Variants in MTX3 observed in about 807,000 individuals in gnomAD.
MTX3 encodes the protein metaxin-3.
In MTX3, 27 loss-of-function variants were observed where a neutral mutation model predicts 42.5. That is an observed-to-expected ratio of 0.64 (90% CI 0.47 to 0.88). The LOEUF (loss-of-function observed/expected upper bound fraction) is 0.88. MTX3 is among the 40% of genes least tolerant of loss of function. The pLI is 0.00. For synonymous variants in MTX3, 144 were observed against 132.9 expected (o/e 1.08, Z -0.57); for missense variants, 378 against 367.0 (o/e 1.03, Z -0.25).
At position 79,985,491 on chromosome 5, in the gene MTX3, T is replaced by A. The variant is rs1326695951; in HGVS notation, c.828+80A>T. On this transcript the variant is annotated intron_variant, in intron 8 of 8. Transcript: ENST00000512528. Reference sequence around the variant, plus strand: ...ATAAAAAAAACTAAAAGGGTACAGTTAATGTGTGACCCAAATGACAATATT... The same window carrying A: ...ATAAAAAAAACTAAAAGGGTACAGTAAATGTGTGACCCAAATGACAATATT... 57 of 924,276 alleles carry A rather than the reference T, an allele frequency of 6.2e-5. No homozygotes were observed. In the East Asian group the frequency reaches 1.4e-3, roughly 23 times the overall value. 57.3% of individuals were successfully genotyped at this position (924,276 alleles called of 1,614,324 possible).
rs1415701268 is a variant in MTX3, at chr5:79,977,394, T to C, written c.*6290A>G. 6.6e-6 allele frequency: 1 copy of C among 152,184 alleles called. No individual in the cohort carries two copies. The highest frequency in any genetic ancestry group is 1.5e-5 in the Non-Finnish European group (1 of 68,028). 9.4% of individuals were successfully genotyped at this position (152,184 alleles called of 1,614,324 possible). On this transcript the variant is annotated 3_prime_UTR_variant, in exon 9 of 9. Transcript: ENST00000512528. ...AAGGATCTGGGATATGTAAACGAAATGATTAAAAGACATTTCTCTGAATTT... is the reference window on the plus strand; with the variant it reads ...AAGGATCTGGGATATGTAAACGAAACGATTAAAAGACATTTCTCTGAATTT...
In MTX3 at chr5:79,977,380, A is replaced by C. The variant is rs1831273641; in HGVS notation, c.*6304T>G. 6.6e-6 allele frequency: 1 copy of C among 152,182 alleles called. No homozygotes were observed. Among genetic ancestry groups the C allele is most frequent in the African/African-American group, 2.4e-5 (1 of 41,422 alleles). The allele number at this position is 152,182 out of a possible 1,614,324, so 9.4% of individuals were successfully genotyped here. A position where few individuals can be genotyped will look rare whatever the true frequency, so the allele number is the denominator to read the frequency against. On this transcript the variant is annotated 3_prime_UTR_variant, in exon 9 of 9. Transcript: ENST00000512528. ...TTTTCATGATTTCCAAGGATCTGGG[A>C]TATGTAAACGAAATGATTAAAAGAC...
chr5:79,985,631 T>C lies in MTX3; in HGVS notation c.768A>G (p.Val256=). 1 of 1,613,362 alleles carries C rather than the reference T, an allele frequency of 6.2e-7. No individual in the cohort carries two copies. Among genetic ancestry groups the C allele is most frequent in the Non-Finnish European group, 8.5e-7 (1 of 1,179,464 alleles). Residue 256 remains valine (V), a synonymous_variant, in exon 8 of 9, where the codon GTA becomes GTG. Coordinates refer to ENST00000512528, the MANE Select transcript of MTX3 (RefSeq NM_001363818.2). ...GTGTGAGTTTCTGCAGATTTGCATC[T>C]ACCGTTTCTTGTCCAGCTGGAGAGA... ...GGISPAGQET[V]DANLQKLTQL... is the part of the protein sequence containing the mutation.
Position 79,979,020 on chromosome 5 carries a change from A to C in MTX3, c.*4664T>G, listed in dbSNP as rs541629384. ...CTGATACCTTTGTTCAAGAATGTTAATTCTTATCAGAAATCCATGGCACAC... is the reference window on the plus strand; with the variant it reads ...CTGATACCTTTGTTCAAGAATGTTACTTCTTATCAGAAATCCATGGCACAC... On this transcript the variant is annotated 3_prime_UTR_variant, in exon 9 of 9. Transcript: ENST00000512528. 121 of 152,604 alleles carry C rather than the reference A, an allele frequency of 7.9e-4. No homozygotes were observed. Among genetic ancestry groups the C allele is most frequent in the Non-Finnish European group, 1.0e-3 (71 of 68,038 alleles). 9.5% of individuals were successfully genotyped at this position (152,604 alleles called of 1,614,324 possible).
In MTX3 at chr5:79,979,982, T is replaced by G. The variant is rs1219772248; in HGVS notation, c.*3702A>C. On this transcript the variant is annotated 3_prime_UTR_variant, in exon 9 of 9. Transcript: ENST00000512528. ...GAATTTACTTTAAAACCACTTTTAT[T>G]TTGAAATACTTAAGACTCACAAGAA... The G allele has an allele frequency of 6.6e-6, 1 of 152,212 alleles. No individual in the cohort carries two copies. The highest frequency in any genetic ancestry group is 1.5e-5 in the Non-Finnish European group (1 of 68,046). The allele number at this position is 152,212 out of a possible 1,614,324, so 9.4% of individuals were successfully genotyped here. A position where few individuals can be genotyped will look rare whatever the true frequency, so the allele number is the denominator to read the frequency against.
Position 79,981,758 on chromosome 5 carries a change from A to T in MTX3, c.*1926T>A, listed in dbSNP as rs1246959052. 1.3e-5 allele frequency: 2 copies of T among 151,822 alleles called. No individual in the cohort carries two copies. The highest frequency in any genetic ancestry group is 2.9e-5 in the Non-Finnish European group (2 of 67,926). 9.4% of individuals were successfully genotyped at this position (151,822 alleles called of 1,614,324 possible). On this transcript the variant is annotated 3_prime_UTR_variant, in exon 9 of 9. Coordinates refer to ENST00000512528, the MANE Select transcript of MTX3 (RefSeq NM_001363818.2). ...GGTTCTATAAATTTTTAATTTTTTT[A>T]ATTTAAATTTTTAAAATTTTTAATT... is the stretch of plus-strand genomic sequence containing the variant.
chr5:79,984,598 TAGTA>T (rs886562275), intron 8 of MTX3, among the ~76,000 whole-genome samples: 4 of 150,498 alleles, frequency 2.7e-5, no homozygotes, highest in East Asian at 1.9e-4. Context: ...GTTTGTAAAA[TAGTA>T]AGTATTACTA....
chr5:79,987,963 C>T (rs1831535687), intron 6 of MTX3, among the ~76,000 whole-genome samples: 1 of 152,046 alleles, frequency 6.6e-6, no homozygotes, highest in African/African-American at 2.4e-5. Context: ...TTACAGGTGC[C>T]CACCACCACA....
Position 79,983,487 on chromosome 5 carries a change from T to TGA in MTX3, c.*196_*197insTC, listed in dbSNP as rs1554046622. On this transcript the variant is annotated 3_prime_UTR_variant, in exon 9 of 9. Coordinates refer to ENST00000512528, the MANE Select transcript of MTX3 (RefSeq NM_001363818.2). ...CAACCAAGTTCATTTAGCATTCTCTTTGTTATTAAAAATGCAGTGCCAAGC... is the reference window on the plus strand; with the variant it reads ...CAACCAAGTTCATTTAGCATTCTCTTGATGTTATTAAAAATGCAGTGCCAAGC... 4 of 501,858 alleles carry TGA rather than the reference T, an allele frequency of 8.0e-6. No homozygotes were observed. Among genetic ancestry groups the TGA allele is most frequent in the East Asian group, 3.7e-5 (1 of 26,688 alleles). The allele number at this position is 501,858 out of a possible 1,614,324, so 31.1% of individuals were successfully genotyped here. A position where few individuals can be genotyped will look rare whatever the true frequency, so the allele number is the denominator to read the frequency against.
Position 79,990,183 on chromosome 5 carries a change from T to C in MTX3, c.205A>G (p.Ile69Val). The change falls in exon 3 of 9, where the codon ATA (isoleucine) becomes GTA (valine). Residue 69 changes from isoleucine (I) to valine (V), a missense_variant. By Grantham distance (29) the Ile-to-Val change is conservative (BLOSUM62 3). Transcript: ENST00000512528. Reference sequence around the variant, plus strand: ...ACCTGTTTTCTTAAAAAGTTTAGTATTTTTGCTGGCTGAGAAACCATGTCG... The same window carrying C: ...ACCTGTTTTCTTAAAAAGTTTAGTACTTTTGCTGGCTGAGAAACCATGTCG... ...EDDMVSQPAK[I>V]LNFLRKQKYN... is the part of the protein sequence containing the mutation. 1 of 1,609,772 alleles carries C rather than the reference T, an allele frequency of 6.2e-7. No homozygotes were observed. The highest frequency in any genetic ancestry group is 1.1e-5 in the South Asian group (1 of 90,064).
chr5:79,991,112 A>G (rs1831651823), intron 1 of MTX3, 46 bp downstream of exon 1: 1 of 1,521,358 alleles, frequency 6.6e-7, no homozygotes, highest in Non-Finnish European at 8.9e-7. Context: ...TGGCGCCTCC[A>G]GCCCCGCCCC....
chr5:79,987,657 T>C (rs1023744460), intron 6 of MTX3, among the ~76,000 whole-genome samples: 79 of 152,280 alleles, frequency 5.2e-4, no homozygotes, highest in African/African-American at 1.7e-3. Context: ...AATGAAATTG[T>C]CTTTATAGAT....
rs138600526 is a variant in MTX3 at position 79,985,357 on chromosome 5, T to C, written c.828+214A>G. On this transcript the variant is annotated intron_variant, in intron 8 of 8. Coordinates refer to ENST00000512528, the MANE Select transcript of MTX3 (RefSeq NM_001363818.2). ...AACTGTGTGGCAAAAGTAAACCCAA[T>C]ACTCTTATCTGATCTTTCCCCAATC... is the stretch of plus-strand genomic sequence containing the variant. Among the ~76,000 whole-genome samples the C allele has an allele frequency of 5.9e-3, 889 of 151,772 alleles. 12 individuals carry two copies. The highest frequency in any genetic ancestry group is 0.02 in the African/African-American group (848 of 41,412).
chr5:79,990,599 G>C lies in MTX3; in HGVS notation c.146C>G (p.Ser49Ter). 6.2e-7 allele frequency: 1 copy of C among 1,605,228 alleles called. No individual in the cohort carries two copies. The highest frequency in any genetic ancestry group is 1.7e-5 in the Admixed American group (1 of 59,056). ...TGTAAAGGTTTACACTATACCTCTT[G>C]AACCTCTCCAGGTGTTATCTATCAC... The part of the protein sequence containing the change: ...VNVIDNTWRG[S>*]RGDVPILTTE... The change falls in exon 2 of 9, where the codon TCA becomes TGA. Residue 49 changes from serine (S) to a stop codon, truncating the protein, a stop_gained. Coordinates refer to ENST00000512528, the MANE Select transcript of MTX3 (RefSeq NM_001363818.2). LOFTEE classifies it high-confidence loss of function.
At chr5:79,983,879 A>G (rs1404740506) in intron 8 of MTX3, 85 bp from the exon 9 acceptor site, 1 of 804,588 alleles carries the variant, frequency 1.2e-6, no homozygotes, top group Non-Finnish European at 2.1e-6. Flanking sequence ...ACTATAGCCT[A>G]GAAGAGTACA....
intron 4 of MTX3, 57 bp downstream of exon 4, chr5:79,989,095 G>T: frequency 8.3e-7 from 1 of 1,209,472 alleles, no homozygotes; most frequent in Non-Finnish European, 1.2e-6. Context: ...TTTCTAAACA[G>T]ACTATGTACA....
At position 79,983,696 on chromosome 5, in the gene MTX3, C is replaced by T; in HGVS notation, c.927G>A (p.Arg309=). 6.2e-7 allele frequency: 1 copy of T among 1,613,028 alleles called. No homozygotes were observed. The highest frequency in any genetic ancestry group is 8.5e-7 in the Non-Finnish European group (1 of 1,179,004). The change falls in exon 9 of 9, where the codon CGG becomes CGA. Residue 309 remains arginine, a synonymous_variant. Transcript: ENST00000512528. ...ACCATGACTACTCTCAGGGCGAAAG[C>T]CGTTGGAAGGAATTATTTTCTTCTT... ...PAEEENNSFQ[R]LSP is the part of the protein sequence containing the mutation.
intron 8 of MTX3, among the ~76,000 whole-genome samples, chr5:79,984,199 AC>A (rs1162190137): frequency 3.9e-5 from 6 of 152,210 alleles, no homozygotes. Flanking sequence ...GAAAAGGCAG[AC>A]ACAGACCTTC....
At chr5:79,987,440 C>CAAAAAA in intron 6 of MTX3, among the ~76,000 whole-genome samples, 1 of 85,120 alleles carries the variant, frequency 1.2e-5, no homozygotes, top group African/African-American at 4.3e-5. Context: ...GACTCCATCT[C>CAAAAAA]AAAAAAAAAA....
Sources: gnomAD v4.1 joint callset for allele counts (sites outside exome capture counted in the v4.1 genomes callset) on GRCh38, gnomAD v4.1.1 for gene constraint, MANE v1.5 for transcripts, NCBI Gene and HGNC (gene_info 2026-07-23, HGNC 2026-07-21) for gene names.